PRP4K: variants seen among roughly 807,000 people sequenced by gnomAD.
PRP4K encodes serine/threonine-protein kinase PRP4 homolog.
chr6:4,056,132 A>G, the PRP4K span, among the ~76,000 whole-genome samples: 1 of 150,578 alleles, frequency 6.6e-6, no homozygotes, highest in Admixed American at 6.6e-5. Context: ...ATTGTAATGA[A>G]TATTTGATAC....
chr6:4,046,245 T>C, the PRP4K span, among the ~76,000 whole-genome samples: 1 of 152,254 alleles, frequency 6.6e-6, no homozygotes, highest in Non-Finnish European at 1.5e-5. Context: ...GTTGTACCAT[T>C]TTGCCGTCTT....
At chr6:4,050,015 G>GT in the PRP4K span, 3 of 27,306 alleles carry the variant, frequency 1.1e-4, no homozygotes, top group Non-Finnish European at 1.7e-4. Context: ...AATGGAAACA[G>GT]TTGTTTTTTT....
chr6:4,037,373 T>C, the PRP4K span: 4 of 1,528,608 alleles, frequency 2.6e-6, no homozygotes, highest in Admixed American at 2.2e-5. Context: ...ATATTTCTTT[T>C]AACTTGCATT....
chr6:4,059,142 C>G, the PRP4K span, among the ~76,000 whole-genome samples: 1 of 152,096 alleles, frequency 6.6e-6, no homozygotes, highest in Non-Finnish European at 1.5e-5. Flanking sequence ...TGGTCATGTT[C>G]CTATCCCTGC....
At chr6:4,052,891 G>A in the PRP4K span, 1 of 1,593,066 alleles carries the variant, frequency 6.3e-7, no homozygotes, top group Non-Finnish European at 8.6e-7. Flanking sequence ...AAACAGCCAA[G>A]CTGCGCTGTA....
the PRP4K span, among the ~76,000 whole-genome samples, chr6:4,042,137 A>T: frequency 9.8e-5 from 15 of 152,330 alleles, no homozygotes; most frequent in African/African-American, 3.6e-4. Context: ...CAATTTACTT[A>T]TCTTACCCTT....
the PRP4K span, among the ~76,000 whole-genome samples, chr6:4,057,895 T>G: frequency 6.6e-6 from 1 of 152,140 alleles, no homozygotes; most frequent in Non-Finnish European, 1.5e-5. Flanking sequence ...GCTATAGGCA[T>G]GAGCCACCGC....
the PRP4K span, among the ~76,000 whole-genome samples, chr6:4,031,114 T>G: frequency 6.6e-6 from 1 of 152,186 alleles, no homozygotes; most frequent in Admixed American, 6.5e-5. Flanking sequence ...AGATTAGTCT[T>G]CCAGTGTATG....
At chr6:4,029,817 A>G in the PRP4K span, among the ~76,000 whole-genome samples, 7 of 151,484 alleles carry the variant, frequency 4.6e-5, no homozygotes, top group Non-Finnish European at 8.8e-5. Context: ...TAATGCCCCT[A>G]TTTGTGTCTT....
chr6:4,060,712 C>T, the PRP4K span: 2 of 1,151,536 alleles, frequency 1.7e-6, no homozygotes, highest in Non-Finnish European at 2.4e-6. The surrounding 1 kb of genome is among the most constrained non-coding windows in gnomAD (Gnocchi z 4.7). Flanking sequence ...AATATTTCTC[C>T]AGCAAATTTG....
At chr6:4,058,858 A>G in the PRP4K span, 1 of 1,431,454 alleles carries the variant, frequency 7.0e-7, no homozygotes, top group Non-Finnish European at 9.7e-7. Flanking sequence ...TTTATTGTTA[A>G]CTGAGTACTA....
chr6:4,048,046 G>T, the PRP4K span, among the ~76,000 whole-genome samples: 18 of 152,046 alleles, frequency 1.2e-4, no homozygotes, highest in East Asian at 3.5e-3. Flanking sequence ...TGATATTGAA[G>T]AGTCTTCTGG....
At chr6:4,062,644 C>T in the PRP4K span, 1 of 152,516 alleles carries the variant, frequency 6.6e-6, no homozygotes, top group Non-Finnish European at 1.5e-5. The surrounding 1 kb of genome is among the most constrained non-coding windows in gnomAD (Gnocchi z 4.2). Context: ...GTGGGTTTTG[C>T]TCCATTTAAA....
chr6:4,047,364 G>A, the PRP4K span: 1 of 891,698 alleles, frequency 1.1e-6, no homozygotes, highest in South Asian at 1.8e-5. Context: ...GAACAGTGTG[G>A]GTGAAAGGAA....
At chr6:4,052,960 C>T in the PRP4K span, 2 of 1,242,304 alleles carry the variant, frequency 1.6e-6, no homozygotes, top group Admixed American at 2.8e-5. Flanking sequence ...TGAGAAACGA[C>T]ATCTTAGAAG....
At chr6:4,052,186 C>T in the PRP4K span, 19 of 1,376,072 alleles carry the variant, frequency 1.4e-5, no homozygotes, top group African/African-American at 1.9e-4. Context: ...AGATTTTCTG[C>T]GTATTTGATT....
chr6:4,058,629 C>G, the PRP4K span: 3 of 896,180 alleles, frequency 3.3e-6, no homozygotes, highest in African/African-American at 5.1e-5. Context: ...CCTACAGAGA[C>G]TAAATAACAT....
At chr6:4,052,947 C>G in the PRP4K span, 1 of 1,330,512 alleles carries the variant, frequency 7.5e-7, no homozygotes, top group East Asian at 2.5e-5. Flanking sequence ...AATATTATTA[C>G]TATGAGAAAC....
chr6:4,047,095 A>G, the PRP4K span: 26 of 1,239,066 alleles, frequency 2.1e-5, no homozygotes, highest in Non-Finnish European at 3.1e-5. Context: ...TTGAATTACT[A>G]TTAATGACTT....
Sources: allele counts gnomAD v4.1 joint callset (sites outside exome capture counted in the v4.1 genomes callset), GRCh38; gene constraint gnomAD v4.1.1; non-coding constraint Gnocchi (gnomAD v3.1); transcripts MANE v1.5; gene names NCBI Gene and HGNC (gene_info 2026-07-23, HGNC 2026-07-21).